Variants in CDC14A observed in about 807,000 individuals in gnomAD.
The protein encoded by CDC14A is dual specificity protein phosphatase CDC14A.
In CDC14A, 53 loss-of-function variants were observed where a neutral mutation model predicts 74.4. The ratio of observed to expected loss-of-function variants is 0.71; its 90% CI spans 0.57 to 0.89. The LOEUF is 0.89. Among genes scored for constraint, CDC14A ranks in the 40% least tolerant of loss-of-function variants. CDC14A has a pLI of 0.00. For missense variants in CDC14A, 646 were observed against 713.7 expected (o/e 0.91, Z 1.08); for synonymous variants, 247 against 258.4 (o/e 0.96, Z 0.43).
chr1:100,378,052 A>G (rs534994298), intron 3 of CDC14A, among the ~76,000 whole-genome samples: 3 of 152,296 alleles, frequency 2.0e-5, no homozygotes, highest in Admixed American at 2.0e-4. Context: ...AATTTTTTGC[A>G]TGTTTCTTAA....
intron 15 of CDC14A, among the ~76,000 whole-genome samples, chr1:100,506,140 T>C (rs1440525419): frequency 6.6e-6 from 1 of 152,180 alleles, no homozygotes; most frequent in African/African-American, 2.4e-5. Flanking sequence ...TTGGAGGGGA[T>C]AAAACATCCA....
At chr1:100,472,425 G>C (rs1424536063) in intron 10 of CDC14A, among the ~76,000 whole-genome samples, 1 of 152,024 alleles carries the variant, frequency 6.6e-6, no homozygotes, top group African/African-American at 2.4e-5. Flanking sequence ...TTGCTTTATA[G>C]TTTTAATTTG....
intron 4 of CDC14A, among the ~76,000 whole-genome samples, chr1:100,404,690 C>T (rs1162066443): frequency 2.0e-5 from 3 of 151,922 alleles, no homozygotes; most frequent in Non-Finnish European, 4.4e-5. Context: ...ATTAGCTGGG[C>T]GTGGTGGAAG....
At chr1:100,351,654 G>C, upstream of CDC14A, 2 of 1,214,632 alleles carry the variant, frequency 1.6e-6, no homozygotes, top group Non-Finnish European at 2.3e-6. Flanking sequence ...TGGCTCAGCG[G>C]TCTCGCCCCG....
Position 100,468,079 on chromosome 1 carries a change from A to T in CDC14A, c.962A>T (p.Gln321Leu). The change falls in exon 10 of 16, where the codon CAG becomes CTG. Residue 321 changes from glutamine to leucine, a missense_variant. Physicochemically the swap from Gln to Leu is moderately radical, Grantham distance 113 (BLOSUM62 -2). Coordinates refer to ENST00000336454, the MANE Select transcript of CDC14A (RefSeq NM_003672.4). Reference sequence around the variant, plus strand: ...CCAGGCTCTATTATAGGACCCCAGCAGCACTTCCTGGAAGAGTAAGTATAT... The same window carrying T: ...CCAGGCTCTATTATAGGACCCCAGCTGCACTTCCTGGAAGAGTAAGTATAT... ...CRPGSIIGPQQHFLEEKQASL... is the reference protein window; with the variant it reads ...CRPGSIIGPQLHFLEEKQASL... The T allele has an allele frequency of 8.1e-6, 13 of 1,613,798 alleles. No homozygotes were observed. The highest frequency in any genetic ancestry group is 1.1e-5 in the Non-Finnish European group (13 of 1,179,880).
At chr1:100,478,382 A>G (rs1307669292) in intron 10 of CDC14A, among the ~76,000 whole-genome samples, 1 of 152,086 alleles carries the variant, frequency 6.6e-6, no homozygotes, top group Non-Finnish European at 1.5e-5. Flanking sequence ...TGTGATAGAT[A>G]ACCTATATCA....
At chr1:100,505,685 C>T (rs1164081434) in intron 15 of CDC14A, among the ~76,000 whole-genome samples, 1 of 152,176 alleles carries the variant, frequency 6.6e-6, no homozygotes, top group African/African-American at 2.4e-5. Flanking sequence ...TGTCTTTTCC[C>T]TCTGCCTGTT....
chr1:100,426,942 G>A (rs778961830), intron 5 of CDC14A, among the ~76,000 whole-genome samples: 17 of 152,126 alleles, frequency 1.1e-4, no homozygotes, highest in Non-Finnish European at 2.4e-4. Flanking sequence ...GAATTTAGTT[G>A]AAAGAATACT....
At chr1:100,360,561 T>G (rs1347967318) in intron 2 of CDC14A, among the ~76,000 whole-genome samples, 4 of 150,470 alleles carry the variant, frequency 2.7e-5, no homozygotes, top group Admixed American at 1.3e-4. Flanking sequence ...ACCAGGCTGG[T>G]CTCGAACTCC....
At chr1:100,460,556 T>C (rs1367773651) in intron 8 of CDC14A, among the ~76,000 whole-genome samples, 4 of 152,178 alleles carry the variant, frequency 2.6e-5, no homozygotes, top group Admixed American at 2.0e-4. Context: ...CCTCACATGA[T>C]AGAAAAACCG....
intron 15 of CDC14A, among the ~76,000 whole-genome samples, chr1:100,506,384 C>T (rs1649238137): frequency 6.6e-6 from 1 of 150,978 alleles, no homozygotes; most frequent in African/African-American, 2.4e-5. Flanking sequence ...AGTATTGAAC[C>T]ACATCTTTGG....
At chr1:100,365,452 A>G (rs1653443370) in intron 2 of CDC14A, among the ~76,000 whole-genome samples, 2 of 152,234 alleles carry the variant, frequency 1.3e-5, no homozygotes, top group Non-Finnish European at 2.9e-5. Context: ...GAACTGTGAT[A>G]TATGATATTA....
intron 2 of CDC14A, among the ~76,000 whole-genome samples, chr1:100,374,204 A>G (rs1287034286): frequency 6.6e-6 from 1 of 152,132 alleles, no homozygotes; most frequent in East Asian, 1.9e-4. Context: ...CCAGTCTATC[A>G]TTGTTGGACA....
intron 15 of CDC14A, among the ~76,000 whole-genome samples, chr1:100,506,249 CTTG>C (rs1410661338): frequency 2.6e-5 from 4 of 152,132 alleles, no homozygotes; most frequent in African/African-American, 4.8e-5. Flanking sequence ...TTTCTATCCT[CTTG>C]TTGTATATTT....
intron 11 of CDC14A, among the ~76,000 whole-genome samples, chr1:100,490,783 C>T (rs1670528092): frequency 6.6e-6 from 1 of 152,092 alleles, no homozygotes; most frequent in Non-Finnish European, 1.5e-5. Context: ...ACCCTCCTGG[C>T]TGGTAAACAT....
intron 3 of CDC14A, among the ~76,000 whole-genome samples, chr1:100,382,238 G>A (rs12146101): frequency 3.4e-4 from 48 of 139,238 alleles, no homozygotes; most frequent in Non-Finnish European, 6.1e-4. Context: ...TTTTTTGAGA[G>A]GGGGTCTCAC....
intron 4 of CDC14A, chr1:100,423,882 G>A (rs1199840485): frequency 9.4e-6 from 2 of 213,428 alleles, no homozygotes; most frequent in Non-Finnish European, 1.9e-5. Context: ...CTTCGATGAA[G>A]GTCAGGGAGG....
intron 2 of CDC14A, among the ~76,000 whole-genome samples, chr1:100,375,649 CAG>C (rs1655126524): frequency 6.6e-6 from 1 of 152,160 alleles, no homozygotes; most frequent in African/African-American, 2.4e-5. Context: ...CAGGAAACAA[CAG>C]GTGCTGGAGA....
chr1:100,411,539 C>T (rs1232793287), intron 4 of CDC14A, among the ~76,000 whole-genome samples: 1 of 152,136 alleles, frequency 6.6e-6, no homozygotes, highest in African/African-American at 2.4e-5. Flanking sequence ...TTGACTCTGA[C>T]TTACTGAAGC....
Sources: allele counts gnomAD v4.1 joint callset (sites outside exome capture counted in the v4.1 genomes callset), GRCh38; gene constraint gnomAD v4.1.1; transcripts MANE v1.5; gene names NCBI Gene and HGNC (gene_info 2026-07-23, HGNC 2026-07-21).